The following MPP7 variants were observed in gnomAD, a reference collection of about 807,000 sequenced individuals.
MPP7 encodes the protein MAGUK p55 scaffold protein 7, also known as MAGUK p55 subfamily member 7.
A neutral mutation model predicts 76.5 loss-of-function variants in MPP7; 60 were observed. That is an observed-to-expected ratio of 0.78 (90% confidence interval 0.64 to 0.97). The LOEUF is 0.97. Among genes scored for constraint, MPP7 ranks in the 50% least tolerant of loss-of-function variants. The pLI, the probability that MPP7 is intolerant of heterozygous loss-of-function variation, is 0.00. For synonymous variants in MPP7, 237 were observed against 244.5 expected (o/e 0.97, Z 0.29); for missense variants, 641 against 694.0 (o/e 0.92, Z 0.86).
At chr10:28,055,136 C>T (rs1378627261) in intron 16 of MPP7, among the ~76,000 whole-genome samples, 3 of 152,108 alleles carry the variant, frequency 2.0e-5, no homozygotes, top group Non-Finnish European at 4.4e-5. Flanking sequence ...CGTTGAGAAA[C>T]CTTTAAAATG....
At chr10:28,151,863 G>C (rs1300065436) in intron 3 of MPP7, among the ~76,000 whole-genome samples, 1 of 152,134 alleles carries the variant, frequency 6.6e-6, no homozygotes, top group Admixed American at 6.5e-5. Context: ...TCTTCACTGC[G>C]ATCCTTGGCT....
At chr10:28,327,834 T>A (rs949172960) in intron 2 of MPP7, among the ~76,000 whole-genome samples, 1 of 149,108 alleles carries the variant, frequency 6.7e-6, no homozygotes, top group Non-Finnish European at 1.5e-5. Flanking sequence ...AGAACAGAGG[T>A]GACTGGAAGA....
chr10:28,237,640 C>A (rs1364439908), intron 2 of MPP7, among the ~76,000 whole-genome samples: 1 of 152,152 alleles, frequency 6.6e-6, no homozygotes, highest in East Asian at 1.9e-4. Context: ...GATTATAGCA[C>A]CAGTCATTGT....
chr10:28,275,893 T>C (rs769938022), intron 1 of MPP7, among the ~76,000 whole-genome samples: 3 of 152,144 alleles, frequency 2.0e-5, no homozygotes, highest in African/African-American at 4.8e-5. Flanking sequence ...AGTTAAAAAA[T>C]TGTGGATATG....
chr10:28,269,734 T>C (rs979212647), intron 1 of MPP7, among the ~76,000 whole-genome samples: 6 of 151,988 alleles, frequency 3.9e-5, no homozygotes, highest in Admixed American at 3.9e-4. Flanking sequence ...CACAATGTTG[T>C]CTAGGCTGGT....
chr10:28,154,091 C>T (rs182654689), intron 3 of MPP7, among the ~76,000 whole-genome samples: 157 of 152,248 alleles, frequency 1.0e-3, no homozygotes, highest in Admixed American at 7.6e-3. Context: ...ATATCACTGG[C>T]CACTTTGCTA....
intron 3 of MPP7, among the ~76,000 whole-genome samples, chr10:28,155,768 TAA>T (rs530368373): frequency 2.0e-5 from 3 of 150,924 alleles, no homozygotes; most frequent in African/African-American, 7.3e-5. Flanking sequence ...GTCAGAAACT[TAA>T]AAAAAAAAAA....
chr10:28,309,372 C>T (rs992846952), intron 2 of MPP7, among the ~76,000 whole-genome samples: 1 of 151,216 alleles, frequency 6.6e-6, no homozygotes, highest in South Asian at 2.1e-4. Context: ...CAAGATCCCA[C>T]CACTCTACTC....
At chr10:28,262,192 T>C (rs1414417212) in intron 1 of MPP7, among the ~76,000 whole-genome samples, 6 of 19,114 alleles carry the variant, frequency 3.1e-4, no homozygotes, top group South Asian at 3.1e-3. Flanking sequence ...AAATTATATA[T>C]ATATATATAT....
chr10:28,143,934 G>C (rs534414353), intron 5 of MPP7, among the ~76,000 whole-genome samples: 1 of 151,772 alleles, frequency 6.6e-6, no homozygotes, highest in African/African-American at 2.4e-5. Flanking sequence ...ACCCAGGCTA[G>C]AGTGAAGCGG....
At chr10:28,195,518 G>T (rs910911722) in intron 3 of MPP7, among the ~76,000 whole-genome samples, 4 of 152,320 alleles carry the variant, frequency 2.6e-5, no homozygotes, top group Admixed American at 6.5e-5. Flanking sequence ...AAGGATGAAC[G>T]AAGTGTGATA....
Position 28,089,754 on chromosome 10 carries a change from T to A in MPP7, c.1040A>T (p.Asp347Val). ...MYECKKSDQY[D>V]TADVPTYEEV... ...TTCGTATGTGGGTACGTCAGCTGTGTCGTACTGATCACTCTTCTTGCATTC... is the reference window on the plus strand; with the variant it reads ...TTCGTATGTGGGTACGTCAGCTGTGACGTACTGATCACTCTTCTTGCATTC... Residue 347 changes from aspartate (D) to valine (V), a missense_variant, in exon 12 of 17, where the codon GAC becomes GTC. Asp to Val is a radical substitution (Grantham distance 152). Coordinates refer to ENST00000683449, the MANE Select transcript of MPP7 (RefSeq NM_001318170.2). The A allele has an allele frequency of 6.2e-7, 1 of 1,611,762 alleles. No homozygotes were observed. Among genetic ancestry groups the A allele is most frequent in the South Asian group, 1.1e-5 (1 of 91,012 alleles).
At chr10:28,172,775 A>C (rs1836727145) in intron 3 of MPP7, among the ~76,000 whole-genome samples, 1 of 152,258 alleles carries the variant, frequency 6.6e-6, no homozygotes, top group African/African-American at 2.4e-5. Context: ...TCAGACAAGC[A>C]ATAAATTAGT....
At chr10:28,302,057 C>G (rs1034967463) in intron 1 of MPP7, among the ~76,000 whole-genome samples, 1 of 152,058 alleles carries the variant, frequency 6.6e-6, no homozygotes, top group African/African-American at 2.4e-5. Context: ...GAGAGCCCCC[C>G]CTTTTTTAAA....
At chr10:28,319,012 T>C (rs1372568085) in intron 2 of MPP7, among the ~76,000 whole-genome samples, 2 of 152,204 alleles carry the variant, frequency 1.3e-5, no homozygotes, top group Non-Finnish European at 2.9e-5. Context: ...TACACTGCTA[T>C]AAAGAAATAC....
intron 2 of MPP7, among the ~76,000 whole-genome samples, chr10:28,316,352 T>G (rs1834320503): frequency 7.0e-6 from 1 of 143,386 alleles, no homozygotes. Context: ...GAAGAATCGC[T>G]TGAACCCAGG....
chr10:28,123,930 C>A, intron 8 of MPP7, 101 bp downstream of exon 8: 1 of 793,794 alleles, frequency 1.3e-6, no homozygotes, highest in Non-Finnish European at 2.2e-6. Context: ...CCCTGCACTG[C>A]TTAATACAAA....
intron 15 of MPP7, 143 bp downstream of exon 15, chr10:28,058,352 T>C: frequency 2.1e-6 from 1 of 468,294 alleles, no homozygotes; most frequent in Non-Finnish European, 3.9e-6. Flanking sequence ...TCCAATTATA[T>C]TTAAATGCTT....
At chr10:28,169,821 G>C (rs1836617493) in intron 3 of MPP7, among the ~76,000 whole-genome samples, 2 of 152,104 alleles carry the variant, frequency 1.3e-5, no homozygotes, top group South Asian at 4.1e-4. Flanking sequence ...CTATTAACTA[G>C]TATGTAGATT....
Sources: gnomAD v4.1 joint callset for allele counts (sites outside exome capture counted in the v4.1 genomes callset) on GRCh38, gnomAD v4.1.1 for gene constraint, MANE v1.5 for transcripts, NCBI Gene and HGNC (gene_info 2026-07-23, HGNC 2026-07-21) for gene names.